TRAF7: variants seen among roughly 807,000 people sequenced by gnomAD.
The protein encoded by TRAF7 is E3 ubiquitin-protein ligase TRAF7.
TRAF7 carries 45 observed loss-of-function variants against 89.3 expected under a neutral mutation model. The ratio of observed to expected loss-of-function variants is 0.50; its 90% CI spans 0.40 to 0.65. TRAF7 has a LOEUF of 0.65. TRAF7 is among the 30% of genes least tolerant of loss of function. The pLI is 0.00. For synonymous variants in TRAF7, 406 were observed against 369.2 expected (o/e 1.10, Z -1.14); for missense variants, 677 against 918.1 (o/e 0.74, Z 3.39).
chr16:2,158,774 G>A lies in TRAF7; in HGVS notation c.-39+2916G>A, dbSNP rs577704026. ...CTGGGAAGCGTGGGCTCGGCGGGGG[G>A]GGGGGGGACACTGCCACCCTTGGCT... On this transcript the variant is annotated intron_variant, in intron 1 of 20. Coordinates refer to ENST00000326181, the MANE Select transcript of TRAF7 (RefSeq NM_032271.3). The surrounding 1 kb of genome is among the most constrained non-coding windows in gnomAD (Gnocchi z 4.7). Among the ~76,000 whole-genome samples, 283 of 151,228 alleles carry A rather than the reference G, an allele frequency of 1.9e-3. 13 individuals carry two copies. The highest frequency in any genetic ancestry group is 4.3e-3 in the Admixed American group (65 of 15,230).
chr16:2,164,779 G>C (rs369078655), intron 2 of TRAF7, among the ~76,000 whole-genome samples: 4 of 75,842 alleles, frequency 5.3e-5, no homozygotes, highest in Non-Finnish European at 5.1e-5. Flanking sequence ...ATGGTTAAGC[G>C]TGTTAGTGCT....
rs908744423 is a variant in TRAF7, at chr16:2,162,753, G to A, written c.-38-1130G>A. 6.6e-6 allele frequency among the ~76,000 whole-genome samples: 1 copy of A among 152,080 alleles called. No homozygotes were observed. The highest frequency in any genetic ancestry group is 1.5e-5 in the Non-Finnish European group (1 of 67,984). On this transcript the variant is annotated intron_variant, in intron 1 of 20. Coordinates refer to ENST00000326181, the MANE Select transcript of TRAF7 (RefSeq NM_032271.3). This position sits in a 1 kb window ranked among gnomAD's most constrained non-coding sequence, Gnocchi z 5.0. ...CTGCGCATGGGCCTCGAGGTGGACA[G>A]TGCAGGTGGGCCCGGGGCAGGAGTC...
intron 13 of TRAF7, 88 bp from the exon 14 acceptor site, chr16:2,174,163 G>A: frequency 1.3e-6 from 2 of 1,595,372 alleles, no homozygotes; most frequent in South Asian, 1.1e-5. Flanking sequence ...CTCTCCCATG[G>A]GCGGGGCTCC....
chr16:2,169,750 A>T (rs67633992), intron 4 of TRAF7, among the ~76,000 whole-genome samples: 8,013 of 152,270 alleles, frequency 0.053, 294 homozygotes, highest in Non-Finnish European at 0.058. Flanking sequence ...TTCCATGCAG[A>T]CGGGCCCTTG....
In TRAF7 at chr16:2,161,017, A is replaced by T; in HGVS notation, c.-38-2866A>T. Among the ~76,000 whole-genome samples the T allele has an allele frequency of 6.6e-6, 1 of 152,140 alleles. No homozygotes were observed. The highest frequency in any genetic ancestry group is 2.1e-4 in the South Asian group (1 of 4,828). The stretch of plus-strand genomic sequence containing the variant: ...GGGGAGGCCTCGGGCATCTTGCTCA[A>T]TTCCGAGGTGCGGGGATGGATCCTG... On this transcript the variant is annotated intron_variant, in intron 1 of 20. Coordinates refer to ENST00000326181, the MANE Select transcript of TRAF7 (RefSeq NM_032271.3). The surrounding 1 kb of genome is among the most constrained non-coding windows in gnomAD (Gnocchi z 5.2).
In TRAF7 at chr16:2,176,369, G is replaced by A. The variant is rs1234127986; in HGVS notation, c.1983G>A (p.Val661=). Residue 661 remains valine (V), a synonymous_variant, in exon 20 of 21, where the codon GTG becomes GTA. Coordinates refer to ENST00000326181, the MANE Select transcript of TRAF7 (RefSeq NM_032271.3). ...GGGGCCGACTCTTCTCAGGGGCTGT[G>A]GATAGCACTGTGAAGGTCAGTGCCC... ...VSRGRLFSGA[V]DSTVKVWTC 6.2e-7 allele frequency: 1 copy of A among 1,607,534 alleles called. No homozygotes were observed. Among genetic ancestry groups the A allele is most frequent in the South Asian group, 1.1e-5 (1 of 90,660 alleles).
chr16:2,164,173 C>CGCGCGCACGCGTGCGTGCGT (rs1567247403), intron 2 of TRAF7, among the ~76,000 whole-genome samples, 172 bp downstream of exon 2: 6 of 121,458 alleles, frequency 4.9e-5, no homozygotes, highest in African/African-American at 2.0e-4. Context: ...CGCGCGCGCG[C>CGCGCGCACGCGTGCGTGCGT]GCGCGCGCAC....
At chr16:2,170,301 G>A (rs2093103077) in intron 4 of TRAF7, among the ~76,000 whole-genome samples, 1 of 152,216 alleles carries the variant, frequency 6.6e-6, no homozygotes, top group Admixed American at 6.5e-5. Flanking sequence ...TTCCCCCACG[G>A]GAAGCAGGAA....
chr16:2,170,500 G>T, intron 4 of TRAF7, 114 bp from the exon 5 acceptor site: 1 of 729,578 alleles, frequency 1.4e-6, no homozygotes, highest in Non-Finnish European at 2.3e-6. Flanking sequence ...CGCAGGGACC[G>T]GGGTGGCCCC....
At position 2,161,088 on chromosome 16, in the gene TRAF7, C is replaced by T. The variant is rs926625398; in HGVS notation, c.-38-2795C>T. On this transcript the variant is annotated intron_variant, in intron 1 of 20. Transcript: ENST00000326181. This position sits in a 1 kb window ranked among gnomAD's most constrained non-coding sequence, Gnocchi z 5.2. ...GTTCCCTGGCCTCCAGCCCCAGGGT[C>T]CCGCCCGCCTCCATGTCCCTGGCTG... 2.0e-5 allele frequency among the ~76,000 whole-genome samples: 3 copies of T among 152,132 alleles called. No homozygotes were observed. Among genetic ancestry groups the T allele is most frequent in the South Asian group, 2.1e-4 (1 of 4,834 alleles).
rs781270559 is a variant in TRAF7, at chr16:2,175,847, G to A, written c.1640G>A (p.Arg547Gln). The A allele has an allele frequency of 1.2e-5, 20 of 1,613,338 alleles. No individual in the cohort carries two copies. The highest frequency in any genetic ancestry group is 2.2e-5 in the East Asian group (1 of 44,900). Residue 547 changes from arginine (R) to glutamine (Q), a missense_variant, in exon 18 of 21, where the codon CGA becomes CAA. Physicochemically the swap from Arg to Gln is conservative, Grantham distance 43 (BLOSUM62 1). Around this residue, in one of 6 missense-constraint regions of TRAF7, gnomAD observed 160 missense variants for 263.7 expected, o/e 0.61. Transcript: ENST00000326181. ...GATTACTCATAGATCTGGGACATCC[G>A]AACCCTTGACTGCATCCACGTCCTG... ...SYQTIKIWDIRTLDCIHVLQT... is the reference protein window; with the variant it reads ...SYQTIKIWDIQTLDCIHVLQT...
At chr16:2,173,016 A>G (rs556580482) in intron 9 of TRAF7, among the ~76,000 whole-genome samples, 166 bp from the exon 10 acceptor site, 3 of 150,376 alleles carry the variant, frequency 2.0e-5, no homozygotes, top group Admixed American at 6.6e-5. Flanking sequence ...TGTGAAGCAG[A>G]CTGGGGGTAG....
intron 8 of TRAF7, 34 bp downstream of exon 8, chr16:2,172,408 TGG>T (rs1305277112): frequency 6.2e-7 from 1 of 1,611,064 alleles, no homozygotes; most frequent in Admixed American, 1.7e-5. Flanking sequence ...TCTGCCTCCC[TGG>T]GGGCTGCTTC....
intron 14 of TRAF7, among the ~76,000 whole-genome samples, chr16:2,174,815 G>C (rs775971137): frequency 6.6e-6 from 1 of 152,226 alleles, no homozygotes; most frequent in Non-Finnish European, 1.5e-5. Context: ...TTCAGGAGGC[G>C]GCAGCTTGAC....
intron 5 of TRAF7, 74 bp downstream of exon 5, chr16:2,170,804 C>T: frequency 7.3e-7 from 1 of 1,376,398 alleles, no homozygotes; most frequent in African/African-American, 1.4e-5. Flanking sequence ...GCACCTTCCC[C>T]TCCGCCATGC....
Position 2,162,497 on chromosome 16 carries a change from G to C in TRAF7, c.-38-1386G>C, listed in dbSNP as rs2093061894. 6.6e-6 allele frequency among the ~76,000 whole-genome samples: 1 copy of C among 152,156 alleles called. No homozygotes were observed. On this transcript the variant is annotated intron_variant, in intron 1 of 20. Coordinates refer to ENST00000326181, the MANE Select transcript of TRAF7 (RefSeq NM_032271.3). This position sits in a 1 kb window ranked among gnomAD's most constrained non-coding sequence, Gnocchi z 5.0. ...CCAGCTGGGCTCAGTGATGCCCCCT[G>C]AGCTGTGCTCCTGCTGGGTGGGGGC...
At chr16:2,171,754 C>G (rs368712626) in intron 7 of TRAF7, 149 bp downstream of exon 7, 1 of 1,237,756 alleles carries the variant, frequency 8.1e-7, no homozygotes, top group East Asian at 2.5e-5. Context: ...GTCCTAGGGA[C>G]GCTCAGGCTG....
Position 2,165,952 on chromosome 16 carries a change from A to C in TRAF7, c.139+16A>C, listed in dbSNP as rs2093085096. Reference sequence around the variant, plus strand: ...ATCACAAAAGGTGAGCCCTTAAGCCAAGGCCAGCCCAGGCTGGGAATAACC... The same window carrying C: ...ATCACAAAAGGTGAGCCCTTAAGCCCAGGCCAGCCCAGGCTGGGAATAACC... On this transcript the variant is annotated intron_variant, in intron 3 of 20. Transcript: ENST00000326181. 2 of 1,613,908 alleles carry C rather than the reference A, an allele frequency of 1.2e-6. No individual in the cohort carries two copies. Among genetic ancestry groups the C allele is most frequent in the Non-Finnish European group, 1.7e-6 (2 of 1,179,948 alleles).
rs1596681410 is a variant in TRAF7 at position 2,176,585 on chromosome 16, G to A, written c.*11G>A. ...GTTTGGACTTGCTAACAGGATCCAG[G>A]CCAGGCTGTGGTTTCCCCTGAACCA... is the stretch of plus-strand genomic sequence containing the variant. On this transcript the variant is annotated 3_prime_UTR_variant, in exon 21 of 21. Coordinates refer to ENST00000326181, the MANE Select transcript of TRAF7 (RefSeq NM_032271.3). 6.2e-7 allele frequency: 1 copy of A among 1,613,460 alleles called. No individual in the cohort carries two copies. Among genetic ancestry groups the A allele is most frequent in the Non-Finnish European group, 8.5e-7 (1 of 1,180,000 alleles).
Sources: allele counts gnomAD v4.1 joint callset (sites outside exome capture counted in the v4.1 genomes callset), GRCh38; gene constraint gnomAD v4.1.1; regional missense constraint gnomAD v4.1.1; non-coding constraint Gnocchi (gnomAD v3.1); transcripts MANE v1.5; gene names NCBI Gene and HGNC (gene_info 2026-07-23, HGNC 2026-07-21).